The following EEA1 variants were observed in gnomAD, a reference collection of about 807,000 sequenced individuals.
EEA1 encodes early endosome antigen 1, also known as early endosome antigen 1, 162kD.
In EEA1, 111 loss-of-function variants were observed where a neutral mutation model predicts 209.2. The ratio of observed to expected loss-of-function variants is 0.53; its 90% confidence interval spans 0.45 to 0.62. The LOEUF is 0.62. EEA1 is among the 20% of genes least tolerant of loss of function. The pLI is 0.00. For missense variants in EEA1, 1,343 were observed against 1,530.8 expected (o/e 0.88, Z 2.05); for synonymous variants, 536 against 540.6 (o/e 0.99, Z 0.12).
At chr12:92,898,101 A>C (rs562296854) in intron 1 of EEA1, among the ~76,000 whole-genome samples, 1 of 152,302 alleles carries the variant, frequency 6.6e-6, no homozygotes, top group East Asian at 1.9e-4. Flanking sequence ...TATAATTTTT[A>C]TATAAATCAG....
At chr12:92,852,520 A>G (rs1347045671) in intron 7 of EEA1, among the ~76,000 whole-genome samples, 2 of 152,122 alleles carry the variant, frequency 1.3e-5, no homozygotes, top group African/African-American at 2.4e-5. Flanking sequence ...TAGCATTTTA[A>G]TGTACTTAAT....
intron 27 of EEA1, among the ~76,000 whole-genome samples, 153 bp from the exon 28 acceptor site, chr12:92,777,095 A>G (rs1444620876): frequency 6.6e-6 from 1 of 151,958 alleles, no homozygotes; most frequent in African/African-American, 2.4e-5. Flanking sequence ...GTCAGCTTCT[A>G]TTGTCAAAAG....
At chr12:92,822,042 A>T (rs2136683554) in intron 13 of EEA1, among the ~76,000 whole-genome samples, 1 of 151,402 alleles carries the variant, frequency 6.6e-6, no homozygotes, top group South Asian at 2.1e-4. Flanking sequence ...AGATATATGG[A>T]GCTATGTATA....
intron 20 of EEA1, 62 bp downstream of exon 20, chr12:92,801,538 T>C (rs1874908745): frequency 9.2e-7 from 1 of 1,083,616 alleles, no homozygotes; most frequent in Non-Finnish European, 1.3e-6. Context: ...TATATATTTA[T>C]TTGAAAATAT....
chr12:92,802,489 A>C lies in EEA1; in HGVS notation c.2585T>G (p.Leu862Arg). ...TTTCAAAGAATCAGAAACTTTTGAT[A>C]GTTTGTCCTTTACTGTAGAAAGCTC... is the stretch of plus-strand genomic sequence containing the variant. Reference protein sequence around the residue: ...MTELSTVKDKLSKVSDSLKNS... With the variant: ...MTELSTVKDKRSKVSDSLKNS... The change falls in exon 19 of 29, where the codon CTA (leucine) becomes CGA (arginine). Residue 862 changes from leucine (L) to arginine (R), a missense_variant. Leu to Arg is a moderately radical substitution (Grantham distance 102). This residue lies in a region of EEA1 where 1,307 missense variants were observed against 1,465.5 expected (regional missense o/e 0.89). Coordinates refer to ENST00000322349, the MANE Select transcript of EEA1 (RefSeq NM_003566.4). 6.3e-7 allele frequency: 1 copy of C among 1,581,762 alleles called. No homozygotes were observed. The highest frequency in any genetic ancestry group is 8.5e-7 in the Non-Finnish European group (1 of 1,171,532).
chr12:92,923,273 G>T (rs1379634687), intron 1 of EEA1, among the ~76,000 whole-genome samples: 4 of 152,164 alleles, frequency 2.6e-5, no homozygotes, highest in Non-Finnish European at 1.5e-5. Flanking sequence ...GCGTGAACCC[G>T]GGAGGCGGAG....
intron 2 of EEA1, among the ~76,000 whole-genome samples, chr12:92,878,504 G>A (rs1879010466): frequency 6.6e-6 from 1 of 152,020 alleles, no homozygotes; most frequent in African/African-American, 2.4e-5. Context: ...AAAGACTGGA[G>A]GGCAAGAATT....
intron 21 of EEA1, among the ~76,000 whole-genome samples, chr12:92,791,507 A>G (rs1874402121): frequency 6.6e-6 from 1 of 152,204 alleles, no homozygotes; most frequent in African/African-American, 2.4e-5. Flanking sequence ...TTAAACCAAC[A>G]AAGATGAAAA....
rs766714962 is a variant in EEA1, at chr12:92,776,839, T to G, written c.4113+5A>C. The G allele has an allele frequency of 6.2e-7, 1 of 1,609,874 alleles. No individual in the cohort carries two copies. Among genetic ancestry groups the G allele is most frequent in the African/African-American group, 1.3e-5 (1 of 74,908 alleles). On this transcript the variant is annotated splice_donor_5th_base_variant and intron_variant, in intron 28 of 28. Coordinates refer to ENST00000322349, the MANE Select transcript of EEA1 (RefSeq NM_003566.4). ...AAACATAGTTACATGAACAAAATTA[T>G]TTACCCGTCTCACTGTTACTGAAAA... is the stretch of plus-strand genomic sequence containing the variant.
At chr12:92,861,213 T>G (rs11829849) in intron 3 of EEA1, among the ~76,000 whole-genome samples, 39,193 of 152,050 alleles carry the variant, frequency 0.26, 5,549 homozygotes, top group Non-Finnish European at 0.32. Flanking sequence ...CCCAGCACTT[T>G]GGAAGGCCGA....
chr12:92,917,642 G>A (rs1880822303), intron 1 of EEA1, among the ~76,000 whole-genome samples: 6 of 151,740 alleles, frequency 4.0e-5, no homozygotes, highest in Admixed American at 3.9e-4. Flanking sequence ...GCAAAATCAT[G>A]CCAAAATGTA....
intron 25 of EEA1, among the ~76,000 whole-genome samples, chr12:92,778,528 C>G (rs936522001): frequency 6.6e-6 from 1 of 152,024 alleles, no homozygotes; most frequent in Non-Finnish European, 1.5e-5. Flanking sequence ...GTCCCAATTC[C>G]ATATGCTTTC....
Position 92,773,160 on chromosome 12 carries a change from C to T in EEA1, c.*2851G>A, listed in dbSNP as rs996515518. The T allele has an allele frequency of 6.6e-6, 1 of 152,000 alleles. No homozygotes were observed. Among genetic ancestry groups the T allele is most frequent in the Non-Finnish European group, 1.5e-5 (1 of 67,664 alleles). The allele number at this position is 152,000 out of a possible 1,614,324, so 9.4% of individuals were successfully genotyped here. Reference sequence around the variant, plus strand: ...GCCAAAGTGCATTTTTTTAAAAAAACTCCTATAGTCAAACAGGTCATGAAT... The same window carrying T: ...GCCAAAGTGCATTTTTTTAAAAAAATTCCTATAGTCAAACAGGTCATGAAT... On this transcript the variant is annotated 3_prime_UTR_variant, in exon 29 of 29. Transcript: ENST00000322349.
At chr12:92,851,298 A>C in intron 8 of EEA1, 32 bp from the exon 9 acceptor site, 1 of 1,585,302 alleles carries the variant, frequency 6.3e-7, no homozygotes, top group South Asian at 1.2e-5. Flanking sequence ...TTAAAAATTA[A>C]AGTGAAAAAC....
chr12:92,836,142 C>T (rs548847314), intron 10 of EEA1, among the ~76,000 whole-genome samples: 12 of 152,114 alleles, frequency 7.9e-5, no homozygotes, highest in African/African-American at 2.9e-4. Flanking sequence ...GTTGACAGAG[C>T]CTGATATGAT....
chr12:92,867,999 T>C (rs1348042639), intron 2 of EEA1, among the ~76,000 whole-genome samples: 1 of 152,140 alleles, frequency 6.6e-6, no homozygotes, highest in Non-Finnish European at 1.5e-5. Flanking sequence ...TGAATAGTCA[T>C]GTTACATTTA....
chr12:92,843,001 A>G (rs1341578748), intron 9 of EEA1, among the ~76,000 whole-genome samples: 1 of 152,194 alleles, frequency 6.6e-6, no homozygotes, highest in Non-Finnish European at 1.5e-5. Context: ...AACATGCAAC[A>G]CAGAGCTTGA....
intron 18 of EEA1, among the ~76,000 whole-genome samples, chr12:92,808,202 T>C (rs767060457): frequency 2.6e-5 from 4 of 152,072 alleles, no homozygotes; most frequent in Non-Finnish European, 4.4e-5. Context: ...TAGACTGTGG[T>C]TGTCTACAGG....
intron 3 of EEA1, among the ~76,000 whole-genome samples, chr12:92,860,878 T>C (rs1878114689): frequency 6.7e-6 from 1 of 148,888 alleles, no homozygotes; most frequent in African/African-American, 2.5e-5. Flanking sequence ...TGCTAGGTTC[T>C]ACCTTAAAAA....
Sources: gnomAD v4.1 joint callset for allele counts (sites outside exome capture counted in the v4.1 genomes callset) on GRCh38, gnomAD v4.1.1 for gene constraint, gnomAD v4.1.1 regional missense constraint, MANE v1.5 for transcripts, NCBI Gene and HGNC (gene_info 2026-07-23, HGNC 2026-07-21) for gene names.